The following EBF3 variants were observed in gnomAD, a reference collection of about 807,000 sequenced individuals.
EBF3 encodes EBF transcription factor 3.
Under a neutral mutation model 77.1 loss-of-function variants are expected in EBF3, and 18 were observed. The observed-to-expected ratio is 0.23, with a 90% CI of 0.16 to 0.35. The LOEUF (loss-of-function observed/expected upper bound fraction) is 0.35. EBF3 is among the 10% of genes least tolerant of loss of function. The pLI is 1.00. For synonymous variants in EBF3, 350 were observed against 343.5 expected, an observed-to-expected ratio of 1.02 and a Z score of -0.21; for missense variants, 558 against 860.0, an observed-to-expected ratio of 0.65 and a Z score of 4.39.
chr10:129,919,095 A>G (rs1856091438), intron 6 of EBF3, among the ~76,000 whole-genome samples: 1 of 152,210 alleles, frequency 6.6e-6, no homozygotes, highest in Non-Finnish European at 1.5e-5. Flanking sequence ...GCTTGGGGAC[A>G]GTGGGGAGGG....
intron 5 of EBF3, 125 bp from the exon 6 acceptor site, chr10:129,957,451 A>G: frequency 2.7e-6 from 2 of 754,390 alleles, no homozygotes; most frequent in Non-Finnish European, 4.3e-6. Flanking sequence ...GGCAGTTTGG[A>G]GAATTTAAAC....
At chr10:129,946,540 G>A (rs1858240333) in intron 6 of EBF3, among the ~76,000 whole-genome samples, 1 of 152,028 alleles carries the variant, frequency 6.6e-6, no homozygotes, top group African/African-American at 2.4e-5. Context: ...TATGAAAGAA[G>A]TATTTTTAAA....
intron 6 of EBF3, among the ~76,000 whole-genome samples, chr10:129,949,775 G>A (rs988058995): frequency 6.6e-6 from 1 of 152,004 alleles, no homozygotes; most frequent in South Asian, 2.1e-4. Context: ...AAAGCGGGAG[G>A]GGGTGCAGTT....
At chr10:129,950,204 G>A (rs552779143) in intron 6 of EBF3, among the ~76,000 whole-genome samples, 33 of 152,290 alleles carry the variant, frequency 2.2e-4, no homozygotes, top group South Asian at 6.2e-4. Context: ...ACAACCGCGA[G>A]CCCCTTCCTT....
At chr10:129,933,618 C>A (rs72837179) in intron 6 of EBF3, among the ~76,000 whole-genome samples, 2,303 of 152,342 alleles carry the variant, frequency 0.015, 27 homozygotes, top group Middle Eastern at 0.048. Context: ...CCTCTGCAGG[C>A]GGGTGCCCGT....
chr10:129,861,181 CA>C lies in EBF3; in HGVS notation c.1039+5959del, dbSNP rs1851608907. 6.6e-6 allele frequency among the ~76,000 whole-genome samples: 1 copy of C among 152,166 alleles called. No homozygotes were observed. The highest frequency in any genetic ancestry group is 1.5e-5 in the Non-Finnish European group (1 of 68,024). ...TGCTGTGCCGTAGCAGTGGGGAGGA[CA>C]GCGGTGGGAGCCTGCCCTCCCTCCC... On this transcript the variant is annotated intron_variant, in intron 10 of 16. Transcript: ENST00000440978. The surrounding 1 kb of genome is among the most constrained non-coding windows in gnomAD (Gnocchi z 4.3).
chr10:129,942,191 T>A (rs1249830331), intron 6 of EBF3, among the ~76,000 whole-genome samples: 1 of 152,158 alleles, frequency 6.6e-6, no homozygotes, highest in Non-Finnish European at 1.5e-5. Flanking sequence ...AAGATAAAAA[T>A]TGTGCTTAAG....
chr10:129,843,145 T>G lies in EBF3; in HGVS notation c.1186A>C (p.Asn396His). The G allele has an allele frequency of 1.2e-6, 2 of 1,613,558 alleles. No homozygotes were observed. Among genetic ancestry groups the G allele is most frequent in the South Asian group, 2.2e-5 (2 of 90,990 alleles). The change falls in exon 12 of 17, where the codon AAC (asparagine) becomes CAC (histidine). Residue 396 changes from asparagine (N) to histidine (H), a missense_variant. Transcript: ENST00000440978. The stretch of plus-strand genomic sequence containing the variant: ...AGCCGCCCTCCACCTACCTGGTTGT[T>G]GTGAGGCATTCCGTATAAGGCTTCC... ...LVEALYGMPH[N>H]NQEIILKRAA... is the part of the protein sequence containing the mutation.
chr10:129,921,470 T>C lies in EBF3; in HGVS notation c.554+35788A>G, dbSNP rs1469324421. On this transcript the variant is annotated intron_variant, in intron 6 of 16. Transcript: ENST00000440978. The stretch of plus-strand genomic sequence containing the variant: ...CTGCCGGCGTCCCCTGGGCAGAGGA[T>C]ACCCCCGACCATGGGGCCTCACCGA... Among the ~76,000 whole-genome samples the C allele has an allele frequency of 2.0e-5, 3 of 152,172 alleles. No homozygotes were observed. In the East Asian group the frequency reaches 5.8e-4, roughly 29 times the overall value.
Position 129,840,398 on chromosome 10 carries a change from G to A in EBF3, c.1606C>T (p.Pro536Ser). 1.9e-6 allele frequency: 3 copies of A among 1,553,026 alleles called. No individual in the cohort carries two copies. Among genetic ancestry groups the A allele is most frequent in the Non-Finnish European group, 2.6e-6 (3 of 1,147,582 alleles). ...PTMAASSVTL[P>S]SNCSSTHGIF... Reference sequence around the variant, plus strand: ...CCGTGTGTGCTGCTACAGTTTGAAGGGAGGGTGACCGAAGAGGCTGCCATG... The same window carrying A: ...CCGTGTGTGCTGCTACAGTTTGAAGAGAGGGTGACCGAAGAGGCTGCCATG... The change falls in exon 15 of 17, where the codon CCT becomes TCT. Residue 536 changes from proline (P) to serine (S), a missense_variant. By Grantham distance (74) the Pro-to-Ser change is moderately conservative. Transcript: ENST00000440978.
chr10:129,941,932 CAG>C (rs1392753294), intron 6 of EBF3, among the ~76,000 whole-genome samples: 2 of 152,350 alleles, frequency 1.3e-5, no homozygotes, highest in African/African-American at 4.8e-5. Flanking sequence ...AGGGATGACA[CAG>C]GGAGCAAAGT....
intron 6 of EBF3, among the ~76,000 whole-genome samples, chr10:129,922,607 G>A (rs762418796): frequency 5.9e-5 from 9 of 152,240 alleles, no homozygotes; most frequent in African/African-American, 1.2e-4. Context: ...CTCTCTTCCC[G>A]GCTCTCGCCG....
chr10:129,950,655 C>A (rs926846594), intron 6 of EBF3, among the ~76,000 whole-genome samples: 2 of 152,126 alleles, frequency 1.3e-5, no homozygotes, highest in African/African-American at 4.8e-5. Flanking sequence ...AAAAAAAACC[C>A]CTTAACCCAT....
chr10:129,882,914 A>C (rs568796435), intron 6 of EBF3, among the ~76,000 whole-genome samples: 4 of 152,204 alleles, frequency 2.6e-5, no homozygotes, highest in Non-Finnish European at 5.9e-5. Context: ...GAAGCCACTA[A>C]TCATGCAATG....
intron 7 of EBF3, among the ~76,000 whole-genome samples, chr10:129,876,672 G>A (rs1852793016): frequency 6.6e-6 from 1 of 152,166 alleles, no homozygotes; most frequent in South Asian, 2.1e-4. Flanking sequence ...TTCTGCTCTT[G>A]GGTCATTCAT....
In EBF3 at chr10:129,839,081, A is replaced by T. The variant is rs1264948189; in HGVS notation, c.1872+2T>A. On this transcript the variant is annotated splice_donor_variant, in intron 16 of 16. Transcript: ENST00000440978. LOFTEE classifies it high-confidence loss of function. ...AAGACAATGATTTCAAATCACTGAT[A>T]CCTTTCCAGTTCCTTTTTTGAGCAT... The T allele has an allele frequency of 7.7e-7, 1 of 1,304,480 alleles. No homozygotes were observed. The highest frequency in any genetic ancestry group is 2.3e-5 in the Admixed American group (1 of 43,580). The allele number at this position is 1,304,480 out of a possible 1,614,324, so 80.8% of individuals were successfully genotyped here. A position where few individuals can be genotyped will look rare whatever the true frequency, so the allele number is the denominator to read the frequency against.
At chr10:129,877,736 C>T in intron 7 of EBF3, 32 bp downstream of exon 7, 1 of 1,588,522 alleles carries the variant, frequency 6.3e-7, no homozygotes. Context: ...AAAGTCAGGA[C>T]CACGGTCCAC....
intron 4 of EBF3, among the ~76,000 whole-genome samples, chr10:129,961,814 G>C (rs1016519000): frequency 6.6e-6 from 1 of 151,760 alleles, no homozygotes; most frequent in African/African-American, 2.4e-5. Flanking sequence ...CTTTGTTATA[G>C]GAAAAAAAAT....
intron 6 of EBF3, among the ~76,000 whole-genome samples, chr10:129,951,159 G>C (rs998315965): frequency 6.6e-6 from 1 of 152,124 alleles, no homozygotes; most frequent in Non-Finnish European, 1.5e-5. Context: ...TGCTTTCTTC[G>C]GCATCACGAG....
Sources: allele counts gnomAD v4.1 joint callset (sites outside exome capture counted in the v4.1 genomes callset), GRCh38; gene constraint gnomAD v4.1.1; non-coding constraint Gnocchi (gnomAD v3.1); transcripts MANE v1.5; gene names NCBI Gene and HGNC (gene_info 2026-07-23, HGNC 2026-07-21).